Variants in PHYHIPL observed in about 807,000 individuals in gnomAD.
PHYHIPL encodes phytanoyl-CoA hydroxylase-interacting protein-like.
Under a neutral mutation model 33.4 loss-of-function variants are expected in PHYHIPL, and 9 were observed. That is an observed-to-expected ratio of 0.27 (90% CI 0.16 to 0.47). The LOEUF is 0.47. Ranked by LOEUF, PHYHIPL falls within the 20% of genes least tolerant of loss-of-function variation. PHYHIPL has a pLI of 0.99. For missense variants in PHYHIPL, 365 were observed against 460.7 expected (o/e 0.79, Z 1.90); for synonymous variants, 153 against 154.1 (o/e 0.99, Z 0.05).
rs758453426 is a variant in PHYHIPL at position 59,235,848 on chromosome 10, ACT to A, written c.304-632_304-631del. ...ACGTAAACTTTTCTGTGACACATAG[ACT>A]CTATATTTGAATGAAAGTGAAGCAA... On this transcript the variant is annotated intron_variant, in intron 2 of 4. Coordinates refer to ENST00000373880, the MANE Select transcript of PHYHIPL (RefSeq NM_032439.4). 3.3e-5 allele frequency among the ~76,000 whole-genome samples: 5 copies of A among 151,898 alleles called. No homozygotes were observed. In the East Asian group the frequency reaches 7.7e-4, roughly 23 times the overall value.
chr10:59,177,295 C>T (rs889019855), intron 1 of PHYHIPL: 8 of 637,912 alleles, frequency 1.3e-5, no homozygotes, highest in South Asian at 6.9e-5. Context: ...GTCCGGATTT[C>T]CTGGGTCTCT....
At chr10:59,198,890 T>G (rs1839009179) in intron 1 of PHYHIPL, among the ~76,000 whole-genome samples, 1 of 152,230 alleles carries the variant, frequency 6.6e-6, no homozygotes. Flanking sequence ...TTGCCCACTT[T>G]TTGATGGGTT....
At chr10:59,214,965 A>G (rs1839574254) in intron 1 of PHYHIPL, among the ~76,000 whole-genome samples, 2 of 152,070 alleles carry the variant, frequency 1.3e-5, no homozygotes, top group African/African-American at 4.8e-5. Context: ...GTGATGATGA[A>G]TGTTTGTAGA....
intron 1 of PHYHIPL, chr10:59,177,720 G>C: frequency 7.3e-7 from 1 of 1,375,950 alleles, no homozygotes; most frequent in Non-Finnish European, 1.0e-6. Flanking sequence ...GAGCGTTGAA[G>C]ACATAAGCTA....
chr10:59,177,079 A>G, intron 1 of PHYHIPL, 120 bp downstream of exon 1: 1 of 806,490 alleles, frequency 1.2e-6, no homozygotes, highest in Non-Finnish European at 2.0e-6. Flanking sequence ...CCCTCTGTGC[A>G]AATAAATGCA....
chr10:59,240,111 T>C (rs1589299200), intron 4 of PHYHIPL, among the ~76,000 whole-genome samples: 1 of 152,232 alleles, frequency 6.6e-6, no homozygotes, highest in Non-Finnish European at 1.5e-5. Flanking sequence ...TGCCATTTGT[T>C]TGAATATCTT....
chr10:59,180,279 T>C lies in PHYHIPL; in HGVS notation c.106+3320T>C, dbSNP rs867829188. On this transcript the variant is annotated intron_variant, in intron 1 of 4. Coordinates refer to ENST00000373880, the MANE Select transcript of PHYHIPL (RefSeq NM_032439.4). Reference sequence around the variant, plus strand: ...ATATACACACACACACACACACACATACACACACATATATAATATATATAT... The same window carrying C: ...ATATACACACACACACACACACACACACACACACATATATAATATATATAT... Among the ~76,000 whole-genome samples, 253 of 95,604 alleles carry C rather than the reference T, an allele frequency of 2.6e-3. 9 individuals are homozygous for C. The South Asian group carries it at 0.048, about 18-fold the overall frequency. The allele number at this position is 95,604 out of a possible 152,430, so 62.7% of individuals were successfully genotyped here. A position where few individuals can be genotyped will look rare whatever the true frequency, so the allele number is the denominator to read the frequency against.
In PHYHIPL at chr10:59,247,413, G is replaced by T. The variant is rs994779145; in HGVS notation, c.*1822G>T. The T allele has an allele frequency of 5.2e-6, 3 of 571,872 alleles. No individual in the cohort carries two copies. The highest frequency in any genetic ancestry group is 1.9e-5 in the African/African-American group (1 of 51,312). 35.4% of individuals were successfully genotyped at this position (571,872 alleles called of 1,614,324 possible). A position where few individuals can be genotyped will look rare whatever the true frequency, so the allele number is the denominator to read the frequency against. On this transcript the variant is annotated 3_prime_UTR_variant, in exon 5 of 5. Coordinates refer to ENST00000373880, the MANE Select transcript of PHYHIPL (RefSeq NM_032439.4). Reference sequence around the variant, plus strand: ...CACTGAATTTTTTCCCAATTATATGGCTACCTGTTGTATTCTTCCCCCCGT... The same window carrying T: ...CACTGAATTTTTTCCCAATTATATGTCTACCTGTTGTATTCTTCCCCCCGT...
chr10:59,221,660 C>T (rs1839780189), intron 1 of PHYHIPL: 1 of 984,234 alleles, frequency 1.0e-6, no homozygotes, highest in Non-Finnish European at 1.2e-6. Context: ...TGTGTTTCTT[C>T]TATGAACTGT....
intron 1 of PHYHIPL, among the ~76,000 whole-genome samples, chr10:59,203,315 G>A (rs921108019): frequency 9.2e-5 from 14 of 152,266 alleles, no homozygotes; most frequent in African/African-American, 1.2e-4. Context: ...TTACACTGTT[G>A]CTGGGACTGT....
intron 2 of PHYHIPL, 66 bp from the exon 3 acceptor site, chr10:59,236,417 T>G: frequency 1.9e-6 from 2 of 1,029,072 alleles, no homozygotes; most frequent in Non-Finnish European, 2.7e-6. Context: ...TTCTTCTTTC[T>G]TCACTTCCTT....
intron 4 of PHYHIPL, among the ~76,000 whole-genome samples, chr10:59,240,665 TCC>T (rs1840368808): frequency 6.6e-6 from 1 of 152,026 alleles, no homozygotes; most frequent in Non-Finnish European, 1.5e-5. Context: ...AAAAAACCCC[TCC>T]ATATTTCTGT....
At position 59,176,955 on chromosome 10, in the gene PHYHIPL, G is replaced by A; in HGVS notation, c.102G>A (p.Arg34=). ...TGGAGGCCATTCAGCTGTGCGACCG[G>A]GACGGTAAGAGCGGCCGGGACCGCG... is the stretch of plus-strand genomic sequence containing the variant. The part of the protein sequence containing the change: ...LSLEAIQLCD[R]DGNKSQDSGI... Residue 34 remains arginine, a synonymous_variant, in exon 1 of 5, where the codon CGG becomes CGA. Transcript: ENST00000373880. The A allele has an allele frequency of 1.2e-6, 2 of 1,612,996 alleles. No individual in the cohort carries two copies. The highest frequency in any genetic ancestry group is 1.7e-6 in the Non-Finnish European group (2 of 1,179,620).
At chr10:59,198,292 A>G (rs1050918498) in intron 1 of PHYHIPL, among the ~76,000 whole-genome samples, 1 of 151,912 alleles carries the variant, frequency 6.6e-6, no homozygotes, top group African/African-American at 2.4e-5. Context: ...TATGAGTGAG[A>G]ACATGCGGTG....
At chr10:59,186,918 A>G (rs1451834649) in intron 1 of PHYHIPL, among the ~76,000 whole-genome samples, 2 of 152,184 alleles carry the variant, frequency 1.3e-5, no homozygotes, top group Admixed American at 6.5e-5. Flanking sequence ...AACAGGGACA[A>G]TTTGACTTCC....
intron 1 of PHYHIPL, chr10:59,183,753 T>C (rs1838480490): frequency 9.4e-6 from 8 of 847,992 alleles, no homozygotes; most frequent in Non-Finnish European, 1.1e-5. Flanking sequence ...AGCCATGTAG[T>C]GGCTCATTTA....
intron 1 of PHYHIPL, among the ~76,000 whole-genome samples, chr10:59,191,116 A>G (rs1202838599): frequency 6.6e-6 from 1 of 151,888 alleles, no homozygotes; most frequent in Non-Finnish European, 1.5e-5. Flanking sequence ...TTAGACATTA[A>G]CATTTTCTTC....
At chr10:59,210,233 GA>G (rs1264812041) in intron 1 of PHYHIPL, among the ~76,000 whole-genome samples, 1 of 150,018 alleles carries the variant, frequency 6.7e-6, no homozygotes, top group African/African-American at 2.4e-5. Context: ...AAATTTACAA[GA>G]AAAAAACAAC....
chr10:59,209,501 T>C (rs961986165), intron 1 of PHYHIPL, among the ~76,000 whole-genome samples: 1 of 152,152 alleles, frequency 6.6e-6, no homozygotes, highest in African/African-American at 2.4e-5. Context: ...CCATCGATGC[T>C]ATGAAGAAAC....
Sources: allele counts gnomAD v4.1 joint callset (sites outside exome capture counted in the v4.1 genomes callset), GRCh38; gene constraint gnomAD v4.1.1; transcripts MANE v1.5; gene names NCBI Gene and HGNC (gene_info 2026-07-23, HGNC 2026-07-21).